Variants in MELK observed in about 807,000 individuals in gnomAD.
The protein encoded by MELK is maternal embryonic leucine zipper kinase.
A neutral mutation model predicts 85.0 loss-of-function variants in MELK; 81 were observed. The observed-to-expected ratio is 0.95, with a 90% CI of 0.80 to 1.15. MELK has a LOEUF of 1.15. MELK is among the 50% of genes most tolerant of loss of function. MELK has a pLI of 0.00. For synonymous variants in MELK, 252 were observed against 265.0 expected, an observed-to-expected ratio of 0.95 and a Z score of 0.48; for missense variants, 754 against 777.5, an observed-to-expected ratio of 0.97 and a Z score of 0.36.
intron 10 of MELK, among the ~76,000 whole-genome samples, chr9:36,635,411 C>T (rs1311864127): frequency 2.0e-5 from 3 of 151,952 alleles, no homozygotes; most frequent in Non-Finnish European, 4.4e-5. Flanking sequence ...TTACAGCCGC[C>T]TGCTACAACG....
chr9:36,615,051 C>T (rs1368412790), intron 8 of MELK, among the ~76,000 whole-genome samples: 4 of 144,448 alleles, frequency 2.8e-5, no homozygotes, highest in South Asian at 2.3e-4. Flanking sequence ...GACGGGGCAG[C>T]TGGCCGGGCG....
intron 8 of MELK, among the ~76,000 whole-genome samples, chr9:36,618,405 C>CAAAA (rs367884644): frequency 1.5e-5 from 1 of 68,798 alleles, no homozygotes; most frequent in Non-Finnish European, 3.3e-5. Context: ...AGAGGCTCCT[C>CAAAA]AAAAAAAAAA....
intron 12 of MELK, among the ~76,000 whole-genome samples, chr9:36,653,456 A>T (rs1830911519): frequency 6.6e-6 from 1 of 152,166 alleles, no homozygotes; most frequent in South Asian, 2.1e-4. Context: ...TGTCATGGAC[A>T]TTTAAAATGG....
At chr9:36,670,710 CTCT>C (rs1257559476) in intron 15 of MELK, among the ~76,000 whole-genome samples, 1 of 151,688 alleles carries the variant, frequency 6.6e-6, no homozygotes, top group African/African-American at 2.4e-5. Flanking sequence ...GTTCATTGTA[CTCT>C]TCTTTGAACT....
chr9:36,626,729 G>A (rs1029969508), intron 8 of MELK, among the ~76,000 whole-genome samples: 14 of 152,056 alleles, frequency 9.2e-5, no homozygotes, highest in African/African-American at 3.1e-4. Flanking sequence ...AGGCTGAGGC[G>A]GGCGGATCAC....
intron 2 of MELK, 149 bp downstream of exon 2, chr9:36,581,888 G>A (rs933120340): frequency 2.7e-5 from 15 of 561,828 alleles, no homozygotes; most frequent in African/African-American, 5.7e-5. Flanking sequence ...CAAGCAGAGA[G>A]GAGAATAGTA....
chr9:36,585,532 C>G (rs1564123743), intron 3 of MELK, among the ~76,000 whole-genome samples: 2 of 152,010 alleles, frequency 1.3e-5, no homozygotes, highest in African/African-American at 4.8e-5. Flanking sequence ...GTCTCGAACT[C>G]CTGACCTCAA....
chr9:36,597,578 C>A (rs1002652091), intron 6 of MELK, among the ~76,000 whole-genome samples: 7 of 152,156 alleles, frequency 4.6e-5, no homozygotes, highest in Non-Finnish European at 1.0e-4. Context: ...GCTATTACAG[C>A]AAGAATGCTG....
rs1205367675 is a variant in MELK at position 36,671,018 on chromosome 9, A to C, written c.1526A>C (p.Asp509Ala). The change falls in exon 16 of 18, where the codon GAT (aspartate) becomes GCT (alanine). Residue 509 changes from aspartate to alanine, a missense_variant. Asp to Ala is a moderately radical substitution (Grantham distance 126). Coordinates refer to ENST00000298048, the MANE Select transcript of MELK (RefSeq NM_014791.4). ...PERRCRSVELDLNQAHMEETP... is the reference protein window; with the variant it reads ...PERRCRSVELALNQAHMEETP... The stretch of plus-strand genomic sequence containing the variant: ...TTCAGGTGCCGCTCAGTGGAATTGG[A>C]TCTCAACCAAGCACATATGGAGGAG... 2.5e-6 allele frequency: 4 copies of C among 1,610,792 alleles called. No individual in the cohort carries two copies. The highest frequency in any genetic ancestry group is 3.4e-6 in the Non-Finnish European group (4 of 1,178,950).
intron 16 of MELK, among the ~76,000 whole-genome samples, chr9:36,672,459 G>A (rs1832971072): frequency 6.6e-6 from 1 of 152,064 alleles, no homozygotes; most frequent in Non-Finnish European, 1.5e-5. Context: ...TTCTAAAAAT[G>A]GTCAGTTATG....
intron 3 of MELK, 137 bp from the exon 4 acceptor site, chr9:36,589,398 TC>T (rs1823292610): frequency 1.6e-6 from 1 of 630,880 alleles, no homozygotes; most frequent in Non-Finnish European, 2.9e-6. Context: ...TCCGCCCGCC[TC>T]GGCCTCCCAA....
intron 13 of MELK, among the ~76,000 whole-genome samples, chr9:36,662,351 C>A (rs553407168): frequency 4.0e-5 from 6 of 151,210 alleles, no homozygotes; most frequent in African/African-American, 1.5e-4. Flanking sequence ...TCAAGTGATT[C>A]TCCTGCCTCA....
chr9:36,630,752 C>CG (rs1337777223), intron 9 of MELK, among the ~76,000 whole-genome samples: 3 of 151,880 alleles, frequency 2.0e-5, no homozygotes, highest in Non-Finnish European at 4.4e-5. Context: ...CTTCTGGGTT[C>CG]AAGTGCTTTT....
Position 36,656,558 on chromosome 9 carries a change from G to T in MELK, c.1054-683G>T, listed in dbSNP as rs536570875. Among the ~76,000 whole-genome samples, 10 of 152,144 alleles carry T rather than the reference G, an allele frequency of 6.6e-5. No individual in the cohort carries two copies. In the East Asian group the frequency reaches 1.2e-3, roughly 18 times the overall value. Reference sequence around the variant, plus strand: ...CAGTTTTGTGCTGCATAAAGACAACGTTGGACTGCATTTATGATGGTGGTC... The same window carrying T: ...CAGTTTTGTGCTGCATAAAGACAACTTTGGACTGCATTTATGATGGTGGTC... On this transcript the variant is annotated intron_variant, in intron 12 of 17. Coordinates refer to ENST00000298048, the MANE Select transcript of MELK (RefSeq NM_014791.4).
intron 8 of MELK, chr9:36,630,092 G>A (rs181217010): frequency 2.7e-5 from 14 of 516,122 alleles, no homozygotes; most frequent in Middle Eastern, 4.7e-4. Flanking sequence ...TGATCTGCCC[G>A]CTTTGACCTC....
chr9:36,633,056 C>A, intron 9 of MELK, 46 bp from the exon 10 acceptor site: 1 of 1,330,958 alleles, frequency 7.5e-7, no homozygotes, highest in South Asian at 1.2e-5. Flanking sequence ...GTTCTATGTT[C>A]TCTATTTGAA....
At chr9:36,632,847 G>A (rs1277687266) in intron 9 of MELK, among the ~76,000 whole-genome samples, 3 of 152,158 alleles carry the variant, frequency 2.0e-5, no homozygotes, top group African/African-American at 4.8e-5. Flanking sequence ...TGAACTTCAC[G>A]AATAATGTCC....
intron 17 of MELK, among the ~76,000 whole-genome samples, chr9:36,676,759 CAT>C (rs368291173): frequency 1.6e-3 from 243 of 152,328 alleles, no homozygotes; most frequent in African/African-American, 5.7e-3. Flanking sequence ...GGCTCACACA[CAT>C]GAAATATTAT....
intron 10 of MELK, among the ~76,000 whole-genome samples, chr9:36,639,679 T>C (rs903120571): frequency 1.3e-5 from 2 of 152,184 alleles, no homozygotes; most frequent in Admixed American, 6.5e-5. Context: ...AGATTAATCA[T>C]GTTTTTTAGA....
Sources: gnomAD v4.1 joint callset for allele counts (sites outside exome capture counted in the v4.1 genomes callset) on GRCh38, gnomAD v4.1.1 for gene constraint, MANE v1.5 for transcripts, NCBI Gene and HGNC (gene_info 2026-07-23, HGNC 2026-07-21) for gene names.